SUMF1: variants seen among roughly 807,000 people sequenced by gnomAD.
The protein encoded by SUMF1 is formylglycine-generating enzyme.
In SUMF1, 48 loss-of-function variants were observed where a neutral mutation model predicts 47.6. That is an observed-to-expected ratio of 1.01 (90% CI 0.80 to 1.28). SUMF1 has a LOEUF of 1.28. Among genes scored for constraint, SUMF1 ranks in the 50% most tolerant of loss-of-function variants. The pLI is 0.00. For missense variants in SUMF1, 571 were observed against 485.4 expected (o/e 1.18, Z -1.66); for synonymous variants, 230 against 192.1 (o/e 1.20, Z -1.63).
chr3:4,442,153 T>C (rs1702612594), intron 3 of SUMF1, among the ~76,000 whole-genome samples: 1 of 151,996 alleles, frequency 6.6e-6, no homozygotes, highest in African/African-American at 2.4e-5. Context: ...TTGACAACAG[T>C]AGCTCACACT....
At chr3:4,273,329 T>C (rs962282115) in intron 8 of SUMF1, among the ~76,000 whole-genome samples, 1 of 152,054 alleles carries the variant, frequency 6.6e-6, no homozygotes, top group Admixed American at 6.5e-5. Flanking sequence ...TAGAATGAAA[T>C]AGTATTTGGC....
intron 7 of SUMF1, among the ~76,000 whole-genome samples, chr3:4,398,735 T>C (rs1575174488): frequency 6.6e-6 from 1 of 152,220 alleles, no homozygotes; most frequent in East Asian, 1.9e-4. Context: ...AAAAATTCAC[T>C]GCCTCCCACT....
In SUMF1 at chr3:4,102,740, C is replaced by A. The variant is rs115664363; in HGVS notation, c.1015-33995G>T. Reference sequence around the variant, plus strand: ...AGCTCTACAAGGGCAGAGTCTTGCACCAGAAGCACAGGATTTGATAGGTGC... The same window carrying A: ...AGCTCTACAAGGGCAGAGTCTTGCAACAGAAGCACAGGATTTGATAGGTGC... On this transcript the variant is annotated intron_variant and NMD_transcript_variant, in intron 8 of 12. Transcript: ENST00000448413. Among the ~76,000 whole-genome samples, 436 of 151,782 alleles carry A rather than the reference C, an allele frequency of 2.9e-3. 16 individuals are homozygous for A. Among genetic ancestry groups the A allele is most frequent in the African/African-American group, 1.0e-2 (413 of 41,308 alleles).
chr3:4,344,733 G>A (rs769282623), intron 8 of SUMF1, among the ~76,000 whole-genome samples: 1 of 151,954 alleles, frequency 6.6e-6, no homozygotes, highest in Non-Finnish European at 1.5e-5. Flanking sequence ...AAAAAATTAC[G>A]ATGAGCTAAA....
At chr3:4,387,945 T>C (rs1272870359) in intron 7 of SUMF1, among the ~76,000 whole-genome samples, 1 of 152,034 alleles carries the variant, frequency 6.6e-6, no homozygotes, top group East Asian at 1.9e-4. Flanking sequence ...ATTCTGTATG[T>C]CTTCAATTTT....
At chr3:4,369,596 C>T (rs940665853) in intron 8 of SUMF1, among the ~76,000 whole-genome samples, 5 of 152,186 alleles carry the variant, frequency 3.3e-5, no homozygotes, top group East Asian at 1.9e-4. Context: ...TAAACGTACA[C>T]GCTTTTTTAG....
intron 8 of SUMF1, among the ~76,000 whole-genome samples, chr3:4,204,212 G>A (rs1294078870): frequency 6.6e-6 from 1 of 152,050 alleles, no homozygotes; most frequent in African/African-American, 2.4e-5. Flanking sequence ...ACCTGGGAAA[G>A]TATCTATTTC....
At chr3:4,392,683 C>T (rs1418211709) in intron 7 of SUMF1, among the ~76,000 whole-genome samples, 1 of 150,374 alleles carries the variant, frequency 6.7e-6, no homozygotes, top group Non-Finnish European at 1.5e-5. Context: ...AGAGAGAGAG[C>T]ACATGTATAT....
intron 8 of SUMF1, among the ~76,000 whole-genome samples, chr3:4,234,100 T>C (rs116633552): frequency 0.011 from 1,655 of 152,170 alleles, 25 homozygotes; most frequent in Non-Finnish European, 0.019. Flanking sequence ...TGCTAACAAT[T>C]GTACGGGTGT....
At chr3:4,371,626 T>C (rs1700171325) in intron 8 of SUMF1, among the ~76,000 whole-genome samples, 1 of 152,228 alleles carries the variant, frequency 6.6e-6, no homozygotes, top group Admixed American at 6.5e-5. Context: ...ATTTCCTTAA[T>C]GTTGTAGGCT....
chr3:4,225,445 G>A (rs530367769), intron 8 of SUMF1, among the ~76,000 whole-genome samples: 2 of 152,226 alleles, frequency 1.3e-5, no homozygotes, highest in South Asian at 4.1e-4. Flanking sequence ...TTCACATACA[G>A]TAAGCACCCA....
intron 8 of SUMF1, among the ~76,000 whole-genome samples, chr3:4,367,130 G>T (rs568214173): frequency 6.8e-5 from 10 of 147,222 alleles, no homozygotes; most frequent in African/African-American, 2.4e-4. Flanking sequence ...TGCCCCTACT[G>T]GGGGGGTGCC....
At chr3:4,051,246 C>A (rs566030985) in intron 9 of SUMF1, among the ~76,000 whole-genome samples, 70 of 152,186 alleles carry the variant, frequency 4.6e-4, no homozygotes, top group African/African-American at 1.6e-3. Flanking sequence ...ATACAAGTTA[C>A]CACAGTTTTT....
At chr3:4,341,599 G>C (rs1168841187) in intron 8 of SUMF1, among the ~76,000 whole-genome samples, 2 of 152,052 alleles carry the variant, frequency 1.3e-5, no homozygotes, top group Admixed American at 1.3e-4. Flanking sequence ...CTACATGCAA[G>C]AGAGATTTTT....
rs575493448 is a variant in SUMF1, at chr3:4,334,824, C to T, written c.1014+41506G>A. On this transcript the variant is annotated intron_variant and NMD_transcript_variant, in intron 8 of 12. Transcript: ENST00000448413. ...AAGCCCTGATGGGAATTTTAACTAC[C>T]AGAACTATTTTAGGTCAGACTTTTT... is the stretch of plus-strand genomic sequence containing the variant. Among the ~76,000 whole-genome samples, 9 of 152,272 alleles carry T rather than the reference C, an allele frequency of 5.9e-5. No homozygotes were observed. The East Asian group carries it at 1.5e-3, about 26-fold the overall frequency.
chr3:4,442,950 CAA>C (rs776278067), intron 3 of SUMF1, among the ~76,000 whole-genome samples: 4 of 121,120 alleles, frequency 3.3e-5, no homozygotes, highest in Admixed American at 8.5e-5. Flanking sequence ...AAGAAATGCT[CAA>C]AAAAAAAAAA....
At chr3:4,034,792 A>T (rs534842804) in intron 9 of SUMF1, among the ~76,000 whole-genome samples, 1 of 152,216 alleles carries the variant, frequency 6.6e-6, no homozygotes, top group South Asian at 2.1e-4. Flanking sequence ...AGAGGTAGGT[A>T]TAAGTAGACT....
At chr3:4,236,575 G>A (rs552688462) in intron 8 of SUMF1, among the ~76,000 whole-genome samples, 1 of 98,436 alleles carries the variant, frequency 1.0e-5, no homozygotes, top group Non-Finnish European at 2.2e-5. Flanking sequence ...GCAACATAGT[G>A]AGACCCCCCA....
chr3:4,325,563 G>GTA (rs78748362), intron 8 of SUMF1, among the ~76,000 whole-genome samples: 76 of 149,960 alleles, frequency 5.1e-4, no homozygotes, highest in East Asian at 2.2e-3. Flanking sequence ...GTCTGTGTGT[G>GTA]TATATATATA....
Sources: allele counts gnomAD v4.1 joint callset (sites outside exome capture counted in the v4.1 genomes callset), GRCh38; gene constraint gnomAD v4.1.1; transcripts MANE v1.5; gene names NCBI Gene and HGNC (gene_info 2026-07-23, HGNC 2026-07-21).